MCM5: variants seen among roughly 807,000 people sequenced by gnomAD.
MCM5 encodes minichromosome maintenance complex component 5, also known as DNA replication licensing factor MCM5.
MCM5 carries 46 observed loss-of-function variants against 79.9 expected under a neutral mutation model. That is an observed-to-expected ratio of 0.58 (90% CI 0.45 to 0.74). The LOEUF is 0.74. MCM5 is among the 30% of genes least tolerant of loss of function. The pLI, the probability that MCM5 is intolerant of heterozygous loss-of-function variation, is 0.00. For synonymous variants in MCM5, 404 were observed against 390.5 expected (o/e 1.03, Z -0.41); for missense variants, 883 against 1,017.0 (o/e 0.87, Z 1.79).
intron 12 of MCM5, 66 bp from the exon 13 acceptor site, chr22:35,417,678 C>T (rs2145797647): frequency 1.7e-6 from 2 of 1,147,980 alleles, no homozygotes; most frequent in African/African-American, 1.5e-5. Flanking sequence ...GGCTGTTCCA[C>T]CTCAGTGCTG....
chr22:35,429,295 T>TTA (rs1932798175), downstream of MCM5, among the ~76,000 whole-genome samples: 1 of 110,964 alleles, frequency 9.0e-6, no homozygotes, highest in Non-Finnish European at 2.0e-5. Flanking sequence ...CAAATCTTTT[T>TTA]GAAATGCTAG....
At position 35,416,752 on chromosome 22, in the gene MCM5, A is replaced by G. The variant is rs367646323; in HGVS notation, c.1528A>G (p.Ile510Val). ...GGACAACATTGACTTCATGCCCACCATCTTGTCGCGCTTCGACATGATCTT... is the reference window on the plus strand; with the variant it reads ...GGACAACATTGACTTCATGCCCACCGTCTTGTCGCGCTTCGACATGATCTT... ...GEDNIDFMPT[I>V]LSRFDMIFIV... The change falls in exon 12 of 17, where the codon ATC (isoleucine) becomes GTC (valine). Residue 510 changes from isoleucine (I) to valine (V), a missense_variant. By Grantham distance (29) the Ile-to-Val change is conservative. Around this residue, in one of 3 missense-constraint regions of MCM5, gnomAD observed 426 missense variants for 482.3 expected, o/e 0.88. Transcript: ENST00000216122. 2 of 1,613,980 alleles carry G rather than the reference A, an allele frequency of 1.2e-6. No individual in the cohort carries two copies. Among genetic ancestry groups the G allele is most frequent in the Non-Finnish European group, 1.7e-6 (2 of 1,180,020 alleles).
chr22:35,401,610 G>T, intron 2 of MCM5: 4 of 470,914 alleles, frequency 8.5e-6, no homozygotes, highest in South Asian at 6.2e-5. Flanking sequence ...AGTGTCTCTG[G>T]GCCTCACCAG....
intron 2 of MCM5, among the ~76,000 whole-genome samples, chr22:35,402,434 C>A (rs1932082350): frequency 6.6e-6 from 1 of 150,978 alleles, no homozygotes; most frequent in Non-Finnish European, 1.5e-5. Flanking sequence ...TCAAGTGATT[C>A]TCCTGCCTCA....
At chr22:35,439,390 TCCACCCACCCACCCAC>T in the MCM5 span, among the ~76,000 whole-genome samples, 2 of 86,862 alleles carry the variant, frequency 2.3e-5, no homozygotes, top group African/African-American at 1.1e-4. Flanking sequence ...TATCCATACA[TCCACCCACCCACCCAC>T]CCACCCACAT....
At chr22:35,439,591 A>G in the MCM5 span, among the ~76,000 whole-genome samples, 44 of 152,302 alleles carry the variant, frequency 2.9e-4, no homozygotes, top group African/African-American at 1.1e-3. Context: ...TAGTTAATGT[A>G]ACATACTTAG....
At chr22:35,407,363 C>T (rs898179833) in intron 5 of MCM5, among the ~76,000 whole-genome samples, 2 of 152,122 alleles carry the variant, frequency 1.3e-5, no homozygotes, top group African/African-American at 4.8e-5. Context: ...CTCCCTGATC[C>T]CCCGCGTCCA....
the MCM5 span, among the ~76,000 whole-genome samples, chr22:35,441,004 C>G: frequency 2.7e-5 from 4 of 149,546 alleles, no homozygotes; most frequent in Non-Finnish European, 5.9e-5. Flanking sequence ...TTGCGGTGAG[C>G]TGAGATCACA....
intron 1 of MCM5, 57 bp downstream of exon 1, chr22:35,400,265 G>A: frequency 5.9e-6 from 4 of 680,566 alleles, no homozygotes; most frequent in Non-Finnish European, 1.0e-5. Flanking sequence ...TGGATTTCCG[G>A]GTGTAGTTGG....
chr22:35,424,141 T>C lies in MCM5; in HGVS notation c.2104-13T>C. 1 of 1,532,066 alleles carries C rather than the reference T, an allele frequency of 6.5e-7. No homozygotes were observed. Among genetic ancestry groups the C allele is most frequent in the Non-Finnish European group, 8.8e-7 (1 of 1,130,508 alleles). 94.9% of individuals were successfully genotyped at this position (1,532,066 alleles called of 1,614,324 possible). On this transcript the variant is annotated splice_polypyrimidine_tract_variant and intron_variant, in intron 16 of 16. Coordinates refer to ENST00000216122, the MANE Select transcript of MCM5 (RefSeq NM_006739.4). ...GGCAGCACGTGCCGTTAGCCAGCCA[T>C]GTGCTCCCACAGAAATACCCGGAGC...
At chr22:35,403,941 C>CA (rs11453695) in intron 4 of MCM5, among the ~76,000 whole-genome samples, 83,752 of 146,510 alleles carry the variant, frequency 0.57, 23,697 homozygotes, top group African/African-American at 0.6. Flanking sequence ...AAAAACAAAA[C>CA]AAAAAAAAAA....
the MCM5 span, among the ~76,000 whole-genome samples, chr22:35,454,734 A>G: frequency 1.7e-4 from 26 of 152,102 alleles, no homozygotes; most frequent in Admixed American, 2.6e-4. Flanking sequence ...ATGGATGCAA[A>G]ATGTCTCCAA....
chr22:35,421,077 A>G (rs530114288), intron 14 of MCM5, among the ~76,000 whole-genome samples: 1 of 147,706 alleles, frequency 6.8e-6, no homozygotes, highest in African/African-American at 2.5e-5. Context: ...GCAGTGAGCT[A>G]TGATCATGCC....
At chr22:35,434,694 C>G in the MCM5 span, among the ~76,000 whole-genome samples, 1 of 152,224 alleles carries the variant, frequency 6.6e-6, no homozygotes, top group Non-Finnish European at 1.5e-5. Context: ...ACACGGGACA[C>G]TGCTGTAATG....
intron 14 of MCM5, among the ~76,000 whole-genome samples, chr22:35,420,251 T>C (rs768803845): frequency 2.0e-5 from 3 of 152,218 alleles, no homozygotes; most frequent in African/African-American, 7.2e-5. Context: ...TTGGCCTGGC[T>C]TCTCCCATTG....
chr22:35,428,025 T>C (rs1263808327), downstream of MCM5, among the ~76,000 whole-genome samples: 18 of 148,654 alleles, frequency 1.2e-4, no homozygotes, highest in East Asian at 3.9e-4. Flanking sequence ...CTCTCTCTTT[T>C]TTTTTTTTTT....
At chr22:35,423,181 C>G (rs564795286) in intron 15 of MCM5, 33 bp from the exon 16 acceptor site, 1 of 1,528,582 alleles carries the variant, frequency 6.5e-7, no homozygotes, top group South Asian at 1.3e-5. Context: ...ATTGTCCCAG[C>G]TCCCCGGCTG....
chr22:35,438,476 T>TATCCATCC, the MCM5 span, among the ~76,000 whole-genome samples: 22,767 of 107,290 alleles, frequency 0.21, 4,200 homozygotes, highest in African/African-American at 0.51. Context: ...TCCATCCACA[T>TATCCATCC]ATCCATCCAT....
chr22:35,453,556 G>T, the MCM5 span, among the ~76,000 whole-genome samples: 1 of 97,622 alleles, frequency 1.0e-5, no homozygotes, highest in Non-Finnish European at 2.5e-5. Flanking sequence ...CAAGGCAGAG[G>T]AGAGAATGAC....
Sources: allele counts gnomAD v4.1 joint callset (sites outside exome capture counted in the v4.1 genomes callset), GRCh38; gene constraint gnomAD v4.1.1; regional missense constraint gnomAD v4.1.1; transcripts MANE v1.5; gene names NCBI Gene and HGNC (gene_info 2026-07-23, HGNC 2026-07-21).